THAP5: variants seen among roughly 807,000 people sequenced by gnomAD.
THAP5 encodes the protein THAP domain containing 5.
Under a neutral mutation model 34.0 loss-of-function variants are expected in THAP5, and 26 were observed. The ratio of observed to expected loss-of-function variants is 0.77; its 90% CI spans 0.56 to 1.06. The LOEUF (loss-of-function observed/expected upper bound fraction) is 1.06. Among genes scored for constraint, THAP5 ranks in the 50% least tolerant of loss-of-function variants. The pLI is 0.00. For missense variants in THAP5, 394 were observed against 452.8 expected, an observed-to-expected ratio of 0.87 and a Z score of 1.18; for synonymous variants, 125 against 153.0, an observed-to-expected ratio of 0.82 and a Z score of 1.35.
intron 1 of THAP5, among the ~76,000 whole-genome samples, chr7:108,556,108 G>A (rs1270554413): frequency 6.6e-6 from 1 of 152,112 alleles, no homozygotes; most frequent in African/African-American, 2.4e-5. Flanking sequence ...AGAACAGCAA[G>A]AGGAAAGTCC....
At chr7:108,566,493 TTTAA>T (rs1324019701) in intron 1 of THAP5, among the ~76,000 whole-genome samples, 1 of 152,056 alleles carries the variant, frequency 6.6e-6, no homozygotes, top group East Asian at 1.9e-4. Context: ...TACAATCTTA[TTTAA>T]TATTTAAAAA....
chr7:108,551,449 G>T (rs1463560332), downstream of THAP5, among the ~76,000 whole-genome samples: 4 of 152,210 alleles, frequency 2.6e-5, no homozygotes. Flanking sequence ...TAAGGATGTG[G>T]CAAGAAGGCC....
chr7:108,569,728 C>G, upstream of THAP5: 1 of 921,488 alleles, frequency 1.1e-6, no homozygotes, highest in Non-Finnish European at 1.6e-6. Context: ...TCCGCCTCCT[C>G]CGGTTTAAGC....
At chr7:108,569,241 CT>C in intron 1 of THAP5, 3 of 1,380,690 alleles carry the variant, frequency 2.2e-6, no homozygotes, top group East Asian at 5.2e-5. Context: ...CCCGCGCAAA[CT>C]TTACTGTTTT....
In THAP5 at chr7:108,569,544, C is replaced by T. The variant is rs754470394; in HGVS notation, c.26G>A (p.Cys9Tyr). MPRYCAAI[C>Y]CKNRRGRNNK... ...GTTTCGTCCCCGGCGGTTCTTACAA[C>T]AAATCGCTGCGCAATAGCGGGGCAT... is the stretch of plus-strand genomic sequence containing the variant. Residue 9 changes from cysteine (C) to tyrosine (Y), a missense_variant, in exon 1 of 3, where the codon TGT (cysteine) becomes TAT (tyrosine). Transcript: ENST00000415914. The T allele has an allele frequency of 2.6e-6, 4 of 1,551,726 alleles. No individual in the cohort carries two copies. The South Asian group carries it at 4.8e-5, about 18-fold the overall frequency.
chr7:108,544,833 AT>A, the THAP5 span, among the ~76,000 whole-genome samples: 2 of 151,612 alleles, frequency 1.3e-5, no homozygotes, highest in African/African-American at 4.8e-5. Context: ...AATTTTTGTA[AT>A]TTTTTATAGA....
chr7:108,560,169 G>A (rs1864416371), downstream of THAP5, among the ~76,000 whole-genome samples: 1 of 152,178 alleles, frequency 6.6e-6, no homozygotes, highest in Non-Finnish European at 1.5e-5. Context: ...TGATGGCTTA[G>A]TAGGCCACTT....
intron 1 of THAP5, among the ~76,000 whole-genome samples, chr7:108,568,096 G>T (rs562323733): frequency 6.6e-6 from 1 of 152,342 alleles, no homozygotes; most frequent in Non-Finnish European, 1.5e-5. Flanking sequence ...TAAACTGAAA[G>T]TGGATTAGAT....
chr7:108,564,538 A>C lies in THAP5; in HGVS notation c.841T>G (p.Ser281Ala), dbSNP rs1296356333. ...ATAAAAGAATTAACTGAGGGTTTAG[A>C]ATTTTCAGCAGGTACAAAAATGGCA... ...VIAIFVPAENSKPSVNSFISA... is the reference protein window; with the variant it reads ...VIAIFVPAENAKPSVNSFISA... Residue 281 changes from serine (S) to alanine (A), a missense_variant, in exon 3 of 3, where the codon TCT (serine) becomes GCT (alanine). Physicochemically the swap from Ser to Ala is moderately conservative, Grantham distance 99 (BLOSUM62 1). Transcript: ENST00000415914. 6.2e-7 allele frequency: 1 copy of C among 1,613,726 alleles called. No homozygotes were observed. The highest frequency in any genetic ancestry group is 8.5e-7 in the Non-Finnish European group (1 of 1,179,904).
downstream of THAP5, among the ~76,000 whole-genome samples, chr7:108,550,629 GT>G: frequency 6.6e-6 from 1 of 152,312 alleles, no homozygotes; most frequent in Middle Eastern, 3.4e-3. Context: ...GTATCAGTAA[GT>G]TTGGTTTCTC....
rs1158534538 is a variant in THAP5 at position 108,564,976 on chromosome 7, C to T, written c.403G>A (p.Val135Met). The change falls in exon 3 of 3, where the codon GTG becomes ATG. Residue 135 changes from valine to methionine, a missense_variant. Val to Met is a conservative substitution (Grantham distance 21, BLOSUM62 1). Transcript: ENST00000415914. ...AGTAATTCTGGATGTTGATGGGGCA[C>T]ATCTGTGTTAACTATATTTTTCTTT... The part of the protein sequence containing the change: ...ETKKNIVNTD[V>M]PHQHPELLHS... The T allele has an allele frequency of 3.9e-6, 6 of 1,554,946 alleles. No individual in the cohort carries two copies. The Admixed American group carries it at 5.9e-5, about 15-fold the overall frequency.
At chr7:108,553,758 A>G (rs1295157916), downstream of THAP5, among the ~76,000 whole-genome samples, 1 of 152,130 alleles carries the variant, frequency 6.6e-6, no homozygotes, top group African/African-American at 2.4e-5. Flanking sequence ...TGCCCTAAAA[A>G]CAAGAGGGCA....
At chr7:108,559,725 G>A (rs754948955), downstream of THAP5, among the ~76,000 whole-genome samples, 13 of 152,052 alleles carry the variant, frequency 8.5e-5, no homozygotes, top group Non-Finnish European at 1.8e-4. Flanking sequence ...TAGCATAAGG[G>A]GAAGCTGGCA....
chr7:108,568,056 T>C (rs900764890), intron 1 of THAP5, among the ~76,000 whole-genome samples: 2 of 152,206 alleles, frequency 1.3e-5, no homozygotes, highest in East Asian at 1.9e-4. Context: ...TTCTCAGAGA[T>C]AGAGCCATTA....
downstream of THAP5, among the ~76,000 whole-genome samples, chr7:108,558,381 G>GTA (rs66806128): frequency 0.044 from 4,164 of 93,740 alleles, 187 homozygotes; most frequent in East Asian, 0.047. Context: ...GTGTGTGTAT[G>GTA]TATATATATA....
chr7:108,557,479 C>G (rs984595726), downstream of THAP5, among the ~76,000 whole-genome samples: 1 of 152,218 alleles, frequency 6.6e-6, no homozygotes, highest in Non-Finnish European at 1.5e-5. Flanking sequence ...GCCAGATACA[C>G]TAACCCATCT....
chr7:108,557,786 C>T (rs1348083257), downstream of THAP5, among the ~76,000 whole-genome samples: 2 of 152,210 alleles, frequency 1.3e-5, no homozygotes, highest in Non-Finnish European at 2.9e-5. Context: ...TCTACATTTT[C>T]ACATATCTTG....
the THAP5 span, among the ~76,000 whole-genome samples, chr7:108,545,983 G>A: frequency 6.6e-6 from 1 of 152,012 alleles, no homozygotes; most frequent in African/African-American, 2.4e-5. Context: ...ACACAGTAGG[G>A]CAAAAGAGCC....
rs1790396564 is a variant in THAP5 at position 108,563,294 on chromosome 7, T to C, written c.*897A>G. 6.6e-6 allele frequency: 1 copy of C among 152,124 alleles called. No individual in the cohort carries two copies. The highest frequency in any genetic ancestry group is 1.5e-5 in the Non-Finnish European group (1 of 68,054). The allele number at this position is 152,124 out of a possible 1,614,324, so 9.4% of individuals were successfully genotyped here. Reference sequence around the variant, plus strand: ...GGCTCACGCCTGTAATCCCAGCACTTTGGGAGGCCAAGGTAGGTGGATCAC... The same window carrying C: ...GGCTCACGCCTGTAATCCCAGCACTCTGGGAGGCCAAGGTAGGTGGATCAC... On this transcript the variant is annotated 3_prime_UTR_variant, in exon 3 of 3. Coordinates refer to ENST00000415914, the MANE Select transcript of THAP5 (RefSeq NM_001130475.3).
Sources: gnomAD v4.1 joint callset for allele counts (sites outside exome capture counted in the v4.1 genomes callset) on GRCh38, gnomAD v4.1.1 for gene constraint, MANE v1.5 for transcripts, NCBI Gene and HGNC (gene_info 2026-07-23, HGNC 2026-07-21) for gene names.